ZBTB20: variants seen among roughly 807,000 people sequenced by gnomAD.
ZBTB20 encodes zinc finger and BTB domain-containing protein 20.
A neutral mutation model predicts 56.9 loss-of-function variants in ZBTB20; 9 were observed. The observed-to-expected ratio is 0.16, with a 90% CI of 0.10 to 0.28. The LOEUF (loss-of-function observed/expected upper bound fraction) is 0.28, where lower values mean the gene tolerates loss of function less well. Ranked by LOEUF, ZBTB20 falls within the 10% of genes least tolerant of loss-of-function variation. The pLI, the probability that ZBTB20 is intolerant of heterozygous loss-of-function variation, is 1.00. For synonymous variants in ZBTB20, 417 were observed against 420.7 expected, an observed-to-expected ratio of 0.99 and a Z score of 0.11; for missense variants, 655 against 1,003.0, an observed-to-expected ratio of 0.65 and a Z score of 4.69.
At position 114,498,996 on chromosome 3, in the gene ZBTB20, C is replaced by G. The variant is rs150072331; in HGVS notation, c.-255+1356G>C. On this transcript the variant is annotated intron_variant, in intron 7 of 11. Transcript: ENST00000675478. Reference sequence around the variant, plus strand: ...GTCTAACACAGAGCTATTATGTGAACTGTTTTTACACAAAAGAACTGTAAC... The same window carrying G: ...GTCTAACACAGAGCTATTATGTGAAGTGTTTTTACACAAAAGAACTGTAAC... Among the ~76,000 whole-genome samples, 185 of 152,280 alleles carry G rather than the reference C, an allele frequency of 1.2e-3. 2 individuals carry two copies. The East Asian group carries it at 0.022, about 18-fold the overall frequency.
chr3:114,734,560 A>ATT (rs2065994613), intron 5 of ZBTB20, among the ~76,000 whole-genome samples: 1 of 152,184 alleles, frequency 6.6e-6, no homozygotes, highest in South Asian at 2.1e-4. Context: ...ATTGATATAA[A>ATT]TAAGAGTTAA....
intron 3 of ZBTB20, among the ~76,000 whole-genome samples, chr3:114,939,167 C>T (rs2076648065): frequency 6.8e-6 from 1 of 146,190 alleles, no homozygotes; most frequent in Non-Finnish European, 1.5e-5. Flanking sequence ...CACTTGTATA[C>T]ATATGATTTT....
intron 6 of ZBTB20, among the ~76,000 whole-genome samples, chr3:114,610,860 C>T (rs1345923403): frequency 2.6e-5 from 4 of 151,948 alleles, no homozygotes; most frequent in Non-Finnish European, 5.9e-5. Flanking sequence ...GGGGCACTTG[C>T]CGTAAGAGAG....
chr3:115,057,589 G>GA (rs1293541635), intron 2 of ZBTB20, among the ~76,000 whole-genome samples: 1 of 151,930 alleles, frequency 6.6e-6, no homozygotes, highest in Non-Finnish European at 1.5e-5. Flanking sequence ...AATTTTAAAA[G>GA]AAAAAAGTGT....
At chr3:114,399,140 A>G (rs2086593040) in intron 7 of ZBTB20, among the ~76,000 whole-genome samples, 1 of 152,080 alleles carries the variant, frequency 6.6e-6, no homozygotes. Context: ...TACGACTAGA[A>G]GTTTGGTCTC....
chr3:114,513,712 C>G (rs1327219322), intron 6 of ZBTB20, among the ~76,000 whole-genome samples: 1 of 152,068 alleles, frequency 6.6e-6, no homozygotes, highest in African/African-American at 2.4e-5. Context: ...AAAACCAAAC[C>G]TAAAAGCAGT....
intron 4 of ZBTB20, among the ~76,000 whole-genome samples, chr3:114,849,229 A>C (rs1009688006): frequency 1.7e-4 from 26 of 152,198 alleles, no homozygotes; most frequent in African/African-American, 6.0e-4. Context: ...GGGATAATCT[A>C]ATCATTTCTT....
chr3:114,860,328 T>C (rs1394210855), intron 4 of ZBTB20, among the ~76,000 whole-genome samples: 4 of 151,944 alleles, frequency 2.6e-5, no homozygotes, highest in Admixed American at 2.6e-4. Flanking sequence ...AATTCTGAAA[T>C]TACAACAAAA....
intron 1 of ZBTB20, among the ~76,000 whole-genome samples, chr3:115,131,517 G>A (rs2084505313): frequency 6.6e-6 from 1 of 152,016 alleles, no homozygotes; most frequent in African/African-American, 2.4e-5. Flanking sequence ...CCTTGTTAAT[G>A]GGATTACTAT....
intron 7 of ZBTB20, among the ~76,000 whole-genome samples, chr3:114,491,039 G>A (rs891945531): frequency 2.6e-5 from 4 of 152,066 alleles, no homozygotes; most frequent in African/African-American, 9.7e-5. Flanking sequence ...AGGCATAGAT[G>A]GTGTCTTACT....
At chr3:115,095,341 A>G (rs1426063828) in intron 1 of ZBTB20, among the ~76,000 whole-genome samples, 1 of 152,144 alleles carries the variant, frequency 6.6e-6, no homozygotes, top group Non-Finnish European at 1.5e-5. Flanking sequence ...TAACTGAACT[A>G]CAAAACACCA....
chr3:114,606,997 C>G (rs767910215), intron 6 of ZBTB20, among the ~76,000 whole-genome samples: 1 of 151,956 alleles, frequency 6.6e-6, no homozygotes, highest in Middle Eastern at 3.4e-3. Flanking sequence ...ACTTGGGAGG[C>G]TGAGGCAGGA....
At chr3:114,480,348 A>G (rs1387161825) in intron 7 of ZBTB20, among the ~76,000 whole-genome samples, 1 of 152,244 alleles carries the variant, frequency 6.6e-6, no homozygotes, top group African/African-American at 2.4e-5. Flanking sequence ...TTGTTTTAAA[A>G]TGTAAACCTT....
At chr3:114,347,278 CT>C (rs2080273131) in intron 11 of ZBTB20, among the ~76,000 whole-genome samples, 1 of 151,876 alleles carries the variant, frequency 6.6e-6, no homozygotes, top group Non-Finnish European at 1.5e-5. Flanking sequence ...TACTGAATTG[CT>C]AAGACAGTTA....
chr3:114,623,515 G>T (rs1457325079), intron 6 of ZBTB20, among the ~76,000 whole-genome samples: 1 of 152,026 alleles, frequency 6.6e-6, no homozygotes. Flanking sequence ...TAAAGAAGAG[G>T]GTGTGACAAA....
chr3:115,060,243 G>A (rs986748991), intron 2 of ZBTB20, among the ~76,000 whole-genome samples: 2 of 152,204 alleles, frequency 1.3e-5, no homozygotes, highest in Non-Finnish European at 2.9e-5. Context: ...TATACTTAAA[G>A]CATCTTTGAC....
At chr3:114,902,445 A>T (rs114604391) in intron 3 of ZBTB20, among the ~76,000 whole-genome samples, 1 of 152,202 alleles carries the variant, frequency 6.6e-6, no homozygotes, top group African/African-American at 2.4e-5. Context: ...CACATGAAGA[A>T]GTAAACACAA....
At chr3:114,666,150 C>A (rs1357105125) in intron 6 of ZBTB20, among the ~76,000 whole-genome samples, 1 of 151,972 alleles carries the variant, frequency 6.6e-6, no homozygotes, top group Non-Finnish European at 1.5e-5. Context: ...TGACTTATTT[C>A]CCTTTTCCCT....
chr3:114,697,504 G>C (rs1019444646), intron 5 of ZBTB20, among the ~76,000 whole-genome samples: 2 of 150,560 alleles, frequency 1.3e-5, no homozygotes, highest in Non-Finnish European at 3.0e-5. Context: ...TGAGAAAAGG[G>C]AAAAAAAACT....
Sources: gnomAD v4.1 joint callset for allele counts (sites outside exome capture counted in the v4.1 genomes callset) on GRCh38, gnomAD v4.1.1 for gene constraint, MANE v1.5 for transcripts, NCBI Gene and HGNC (gene_info 2026-07-23, HGNC 2026-07-21) for gene names.